TENM2: variants seen among roughly 807,000 people sequenced by gnomAD.
TENM2 encodes teneurin-2.
A neutral mutation model predicts 245.2 loss-of-function variants in TENM2; 52 were observed. The ratio of observed to expected loss-of-function variants is 0.21; its 90% CI spans 0.17 to 0.27. TENM2 has a LOEUF of 0.27. TENM2 is among the 10% of genes least tolerant of loss of function. The probability of loss-of-function intolerance (pLI) is 1.00; values close to 1 mark genes in which losing one functional copy is unlikely to be tolerated. For missense variants in TENM2, 3,046 were observed against 3,666.8 expected, an observed-to-expected ratio of 0.83 and a Z score of 4.37; for synonymous variants, 1,363 against 1,438.9, an observed-to-expected ratio of 0.95 and a Z score of 1.19.
chr5:167,311,705 A>G (rs1756044051), intron 1 of TENM2, among the ~76,000 whole-genome samples: 1 of 152,140 alleles, frequency 6.6e-6, no homozygotes, highest in Admixed American at 6.5e-5. Context: ...GCTAATGGAG[A>G]GGTAATAAAA....
At chr5:167,028,902 G>T in the TENM2 span, among the ~76,000 whole-genome samples, 2 of 151,820 alleles carry the variant, frequency 1.3e-5, no homozygotes, top group Non-Finnish European at 2.9e-5. Flanking sequence ...CTAAATTTTC[G>T]AACTTATTAG....
At chr5:167,663,144 GAGAGAGA>G (rs1755332487) in intron 2 of TENM2, among the ~76,000 whole-genome samples, 5 of 41,506 alleles carry the variant, frequency 1.2e-4, no homozygotes, top group South Asian at 1.1e-3. Flanking sequence ...GGGATGGGGA[GAGAGAGA>G]GAGAGAGAGA....
At chr5:167,835,007 G>T (rs1768859861) in intron 2 of TENM2, among the ~76,000 whole-genome samples, 1 of 152,134 alleles carries the variant, frequency 6.6e-6, no homozygotes, top group African/African-American at 2.4e-5. Context: ...GATGTTATAG[G>T]CTTTGAATCA....
chr5:168,239,776 C>T (rs185193384), intron 25 of TENM2, among the ~76,000 whole-genome samples: 23 of 152,260 alleles, frequency 1.5e-4, no homozygotes, highest in African/African-American at 5.1e-4. Flanking sequence ...CACATATGTA[C>T]ATCTATACAC....
intron 2 of TENM2, among the ~76,000 whole-genome samples, chr5:167,632,315 AAGAAAAAGGAAGTTCTTAG>A (rs1778927153): frequency 6.6e-6 from 1 of 152,232 alleles, no homozygotes; most frequent in African/African-American, 2.4e-5. Context: ...GTTACCCCTC[AAGAAAAAGGAAGTTCTTAG>A]AGAAAATTGT....
At chr5:167,443,226 C>T (rs569460319) in intron 2 of TENM2, among the ~76,000 whole-genome samples, 1 of 152,132 alleles carries the variant, frequency 6.6e-6, no homozygotes, top group African/African-American at 2.4e-5. Context: ...AGAGAGTTGG[C>T]ATGCAGTATG....
the TENM2 span, among the ~76,000 whole-genome samples, chr5:167,030,176 C>T: frequency 1.3e-5 from 2 of 152,274 alleles, no homozygotes; most frequent in African/African-American, 4.8e-5. Context: ...TTCCTGAGCT[C>T]TTTACTTCTT....
intron 2 of TENM2, among the ~76,000 whole-genome samples, chr5:167,504,778 A>T (rs1331145860): frequency 6.6e-6 from 1 of 152,238 alleles, no homozygotes; most frequent in African/African-American, 2.4e-5. Flanking sequence ...CGCAAGAGGT[A>T]GTATAGAATG....
chr5:167,014,060 T>A, the TENM2 span, among the ~76,000 whole-genome samples: 15 of 151,428 alleles, frequency 9.9e-5, no homozygotes, highest in African/African-American at 3.6e-4. Flanking sequence ...TAAAAAAGTT[T>A]ATTTTGTGAA....
the TENM2 span, among the ~76,000 whole-genome samples, chr5:167,027,780 A>G: frequency 6.6e-6 from 1 of 152,276 alleles, no homozygotes; most frequent in East Asian, 1.9e-4. Context: ...ATATCCATAT[A>G]AAATTTTACA....
intron 8 of TENM2, among the ~76,000 whole-genome samples, chr5:168,092,832 C>G (rs1581273270): frequency 6.6e-6 from 1 of 152,208 alleles, no homozygotes; most frequent in African/African-American, 2.4e-5. Flanking sequence ...CAGCTGGGGT[C>G]TACAAGAATT....
At chr5:167,937,628 A>T (rs2151745904) in intron 3 of TENM2, 1 of 152,208 alleles carries the variant, frequency 6.6e-6, no homozygotes, top group African/African-American at 2.4e-5. Flanking sequence ...CCCTAATGAA[A>T]CAGTCCTTAC....
the TENM2 span, among the ~76,000 whole-genome samples, chr5:166,979,191 C>CAG: frequency 9.4e-5 from 8 of 85,256 alleles, no homozygotes; most frequent in African/African-American, 4.6e-4. Flanking sequence ...AGCAGCACCA[C>CAG]CACCAGCAGC....
chr5:167,351,243 T>C (rs1241108715), intron 1 of TENM2, among the ~76,000 whole-genome samples: 1 of 151,738 alleles, frequency 6.6e-6, no homozygotes, highest in Non-Finnish European at 1.5e-5. Context: ...ATTAATTTCT[T>C]ATTCCCATGA....
intron 1 of TENM2, among the ~76,000 whole-genome samples, chr5:167,316,348 C>T (rs890964672): frequency 1.3e-5 from 2 of 152,170 alleles, no homozygotes; most frequent in Non-Finnish European, 2.9e-5. Context: ...ATATAGCCAA[C>T]CTACTACAAA....
At chr5:168,215,080 G>A (rs1228870425) in exon 21 of TENM2, 9 of 1,613,820 alleles carry the variant, frequency 5.6e-6, no homozygotes, top group East Asian at 4.5e-5. Flanking sequence ...AGTGGACCCC[G>A]TGTCCGGCTC....
chr5:167,431,973 A>ATACACACATATATATACATATATATG (rs1561950531), intron 2 of TENM2, among the ~76,000 whole-genome samples: 1 of 144,646 alleles, frequency 6.9e-6, no homozygotes, highest in African/African-American at 2.6e-5. Flanking sequence ...ATATATATAT[A>ATACACACATATATATACATATATATG]TATATGGAAG....
chr5:167,200,663 A>G, the TENM2 span, among the ~76,000 whole-genome samples: 29 of 152,230 alleles, frequency 1.9e-4, no homozygotes, highest in Middle Eastern at 3.4e-3. Context: ...ATCTCCAGTG[A>G]TACCAAGCGA....
chr5:167,418,642 T>G (rs192724580), intron 2 of TENM2, among the ~76,000 whole-genome samples: 1 of 150,868 alleles, frequency 6.6e-6, no homozygotes, highest in African/African-American at 2.4e-5. Context: ...GAGATTTGCA[T>G]ACTTTTAAAA....
Sources: allele counts gnomAD v4.1 joint callset (sites outside exome capture counted in the v4.1 genomes callset), GRCh38; gene constraint gnomAD v4.1.1; transcripts MANE v1.5; gene names NCBI Gene and HGNC (gene_info 2026-07-23, HGNC 2026-07-21).